Variants in WDSUB1 observed in about 807,000 individuals in gnomAD.
The protein encoded by WDSUB1 is WD repeat, SAM and U-box domain-containing protein 1.
Under a neutral mutation model 53.9 loss-of-function variants are expected in WDSUB1, and 49 were observed. That is an observed-to-expected ratio of 0.91 (90% CI 0.72 to 1.15). WDSUB1 has a LOEUF of 1.15. Among genes scored for constraint, WDSUB1 ranks in the 50% most tolerant of loss-of-function variants. The pLI, the probability that WDSUB1 is intolerant of heterozygous loss-of-function variation, is 0.00. For missense variants in WDSUB1, 514 were observed against 562.0 expected, an observed-to-expected ratio of 0.91 and a Z score of 0.86; for synonymous variants, 194 against 200.6, an observed-to-expected ratio of 0.97 and a Z score of 0.28.
chr2:159,251,798 C>T (rs974283394), intron 9 of WDSUB1, among the ~76,000 whole-genome samples: 2 of 152,124 alleles, frequency 1.3e-5, no homozygotes, highest in Non-Finnish European at 2.9e-5. Flanking sequence ...ACTAAACTAA[C>T]GGATATAAAA....
intron 10 of WDSUB1, among the ~76,000 whole-genome samples, chr2:159,244,843 T>C (rs2060751881): frequency 6.6e-6 from 1 of 152,140 alleles, no homozygotes; most frequent in African/African-American, 2.4e-5. Context: ...GGCAGAAGGA[T>C]TGCTTGAGCC....
rs879635553 is a variant in WDSUB1 at position 159,243,208 on chromosome 2, GA to G, written c.1273+5163del. 7.7e-4 allele frequency among the ~76,000 whole-genome samples: 113 copies of G among 147,364 alleles called. 4 individuals carry two copies. Among genetic ancestry groups the G allele is most frequent in the Admixed American group, 2.6e-3 (39 of 15,106 alleles). On this transcript the variant is annotated intron_variant, in intron 10 of 10. Coordinates refer to ENST00000359774, the MANE Select transcript of WDSUB1 (RefSeq NM_001128212.3). ...GGTAAGTCTACAGGGATTACGCTAA[GA>G]AAAAAAAGCCACTTGAAAGCTGTTT... is the stretch of plus-strand genomic sequence containing the variant.
chr2:159,274,750 T>C (rs905626751), intron 4 of WDSUB1, among the ~76,000 whole-genome samples: 3 of 152,130 alleles, frequency 2.0e-5, no homozygotes, highest in African/African-American at 7.2e-5. Context: ...CTAAACATTG[T>C]CTAATTCTTA....
chr2:159,282,553 A>C, intron 2 of WDSUB1, 119 bp downstream of exon 2: 1 of 1,216,470 alleles, frequency 8.2e-7, no homozygotes, highest in Non-Finnish European at 1.1e-6. Flanking sequence ...TCATCAAAAT[A>C]TTTTTCTTTT....
At chr2:159,256,396 A>T (rs2061064055) in intron 8 of WDSUB1, 21 bp from the exon 9 acceptor site, 1 of 1,582,380 alleles carries the variant, frequency 6.3e-7, no homozygotes, top group African/African-American at 1.4e-5. Context: ...ACAAACAAGT[A>T]AGTGAGATAA....
At chr2:159,264,330 T>C (rs1421086152) in intron 5 of WDSUB1, among the ~76,000 whole-genome samples, 1 of 152,208 alleles carries the variant, frequency 6.6e-6, no homozygotes, top group Non-Finnish European at 1.5e-5. Context: ...ACAGGACTGT[T>C]AGCAATATTG....
chr2:159,281,913 G>A (rs1215477802), intron 2 of WDSUB1, among the ~76,000 whole-genome samples: 1 of 152,136 alleles, frequency 6.6e-6, no homozygotes, highest in African/African-American at 2.4e-5. Context: ...GGAGGTGGAG[G>A]TTTCAGTGAA....
At chr2:159,239,558 T>C (rs2151035625) in intron 10 of WDSUB1, among the ~76,000 whole-genome samples, 1 of 152,274 alleles carries the variant, frequency 6.6e-6, no homozygotes, top group African/African-American at 2.4e-5. Flanking sequence ...AGAGAGAGCA[T>C]CCTTTATATC....
intron 3 of WDSUB1, among the ~76,000 whole-genome samples, chr2:159,278,180 T>A (rs965384698): frequency 3.3e-5 from 5 of 152,180 alleles, no homozygotes; most frequent in Non-Finnish European, 7.3e-5. Flanking sequence ...GTAGAGAAGG[T>A]CCCACAGAAA....
intron 1 of WDSUB1, among the ~76,000 whole-genome samples, chr2:159,284,302 A>C (rs184801407): frequency 1.1e-4 from 16 of 152,298 alleles, no homozygotes; most frequent in African/African-American, 3.6e-4. Context: ...AGCTTTCAAA[A>C]CCTAAGGTGT....
chr2:159,269,651 A>G (rs1389217686), intron 5 of WDSUB1, among the ~76,000 whole-genome samples: 1 of 152,246 alleles, frequency 6.6e-6, no homozygotes, highest in African/African-American at 2.4e-5. Context: ...TAACTTTTCT[A>G]TAGCAATACA....
At chr2:159,255,667 T>C (rs987008664) in intron 9 of WDSUB1, among the ~76,000 whole-genome samples, 3 of 152,130 alleles carry the variant, frequency 2.0e-5, no homozygotes, top group African/African-American at 7.2e-5. Flanking sequence ...AAAATACTTA[T>C]AATACTATAC....
chr2:159,257,888 T>A, intron 7 of WDSUB1, 24 bp from the exon 8 acceptor site: 1 of 1,611,312 alleles, frequency 6.2e-7, no homozygotes, highest in Non-Finnish European at 8.5e-7. Context: ...ACAACTATTA[T>A]GTATCTTCTG....
intron 10 of WDSUB1, among the ~76,000 whole-genome samples, chr2:159,247,908 T>A (rs1204980225): frequency 6.4e-4 from 31 of 48,118 alleles, no homozygotes; most frequent in African/African-American, 8.0e-4. Context: ...TATATATATA[T>A]AAATATATAT....
At chr2:159,273,981 G>T (rs1290787175) in intron 4 of WDSUB1, among the ~76,000 whole-genome samples, 1 of 152,118 alleles carries the variant, frequency 6.6e-6, no homozygotes, top group Non-Finnish European at 1.5e-5. Context: ...AATCAATCAA[G>T]ATGACCACAA....
chr2:159,258,207 G>T (rs547999737), intron 6 of WDSUB1, among the ~76,000 whole-genome samples: 1 of 152,330 alleles, frequency 6.6e-6, no homozygotes, highest in South Asian at 2.1e-4. Context: ...ATTATTGTCT[G>T]CTAGCCACCT....
intron 9 of WDSUB1, among the ~76,000 whole-genome samples, chr2:159,250,908 T>G (rs991388707): frequency 6.6e-6 from 1 of 151,990 alleles, no homozygotes; most frequent in African/African-American, 2.4e-5. Context: ...CATAAATGTT[T>G]CCAGAACATG....
intron 1 of WDSUB1, among the ~76,000 whole-genome samples, chr2:159,284,043 C>T (rs1275740808): frequency 1.3e-5 from 2 of 152,018 alleles, no homozygotes; most frequent in East Asian, 3.9e-4. Flanking sequence ...AACTCCTGGC[C>T]TCAAGTGATC....
At chr2:159,267,084 C>G (rs1263108004) in intron 5 of WDSUB1, among the ~76,000 whole-genome samples, 8 of 151,504 alleles carry the variant, frequency 5.3e-5, no homozygotes, top group Admixed American at 2.0e-4. Context: ...ATCCTAGGTT[C>G]TCTGTTATCT....
Sources: allele counts gnomAD v4.1 joint callset (sites outside exome capture counted in the v4.1 genomes callset), GRCh38; gene constraint gnomAD v4.1.1; transcripts MANE v1.5; gene names NCBI Gene and HGNC (gene_info 2026-07-23, HGNC 2026-07-21).